RGSL1: variants seen among roughly 807,000 people sequenced by gnomAD.
The protein encoded by RGSL1 is regulator of G protein signaling like 1, also known as regulator of G protein signaling protein-like.
In RGSL1, 97 loss-of-function variants were observed where a neutral mutation model predicts 124.7. The observed-to-expected ratio is 0.78, with a 90% CI of 0.66 to 0.92. The LOEUF (loss-of-function observed/expected upper bound fraction) is 0.92, where lower values mean the gene tolerates loss of function less well. Ranked by LOEUF, RGSL1 falls within the 40% of genes least tolerant of loss-of-function variation. The pLI is 0.00. For missense variants in RGSL1, 1,233 were observed against 1,288.4 expected (o/e 0.96, Z 0.66); for synonymous variants, 424 against 438.1 (o/e 0.97, Z 0.40).
chr1:182,516,370 G>A (rs1657899167), intron 9 of RGSL1, among the ~76,000 whole-genome samples: 1 of 152,198 alleles, frequency 6.6e-6, no homozygotes, highest in South Asian at 2.1e-4. Flanking sequence ...TTTCTTGCAG[G>A]TAGCATATAG....
At chr1:182,524,917 C>T (rs1658630724) in intron 10 of RGSL1, among the ~76,000 whole-genome samples, 1 of 152,068 alleles carries the variant, frequency 6.6e-6, no homozygotes, top group African/African-American at 2.4e-5. Context: ...TGCAGATGCT[C>T]AAGAGAGACC....
intron 4 of RGSL1, among the ~76,000 whole-genome samples, chr1:182,467,568 C>T (rs1234206191): frequency 2.6e-5 from 4 of 152,122 alleles, no homozygotes; most frequent in East Asian, 3.8e-4. Flanking sequence ...TAGCCATATG[C>T]AGAAAGCTGA....
At chr1:182,469,990 T>C (rs542272987) in intron 4 of RGSL1, among the ~76,000 whole-genome samples, 2 of 152,150 alleles carry the variant, frequency 1.3e-5, no homozygotes, top group East Asian at 3.9e-4. Context: ...ATGGTGGTTG[T>C]CAGGAGCTGG....
chr1:182,516,286 A>G (rs484930), intron 9 of RGSL1, among the ~76,000 whole-genome samples: 131,107 of 152,214 alleles, frequency 0.86, 56,772 homozygotes, highest in Non-Finnish European at 0.89. Context: ...GCCCTTTGCC[A>G]GGGAACTGCC....
chr1:182,471,274 C>T, intron 4 of RGSL1: 1 of 457,438 alleles, frequency 2.2e-6, no homozygotes, highest in South Asian at 1.5e-5. Flanking sequence ...GTGGAATTTT[C>T]CTGGCAGCCA....
intron 6 of RGSL1, among the ~76,000 whole-genome samples, chr1:182,484,936 C>T (rs756978505): frequency 1.3e-5 from 2 of 152,140 alleles, no homozygotes; most frequent in Non-Finnish European, 2.9e-5. Flanking sequence ...TGGCTGCTTG[C>T]CCCTGGAGCA....
chr1:182,461,783 G>A (rs541295422), intron 4 of RGSL1, among the ~76,000 whole-genome samples: 1,558 of 62,432 alleles, frequency 0.025, 35 homozygotes, highest in African/African-American at 0.07. Context: ...CCAGAAGATA[G>A]GACAGTAGAA....
Position 182,474,120 on chromosome 1 carries a change from A to C in RGSL1, c.1009A>C (p.Lys337Gln), listed in dbSNP as rs1400699357. Residue 337 changes from lysine to glutamine, a missense_variant, in exon 6 of 22, where the codon AAG becomes CAG. By Grantham distance (53) the Lys-to-Gln change is moderately conservative (BLOSUM62 1). Coordinates refer to ENST00000294854, the MANE Select transcript of RGSL1 (RefSeq NM_001137669.2). ...CCACATGGAAGCCCCCTTTGAGACA[A>C]AGGTCTCTACCCACCTGAGGACTGT... is the stretch of plus-strand genomic sequence containing the variant. ...HLHMEAPFET[K>Q]VSTHLRTVIP... 1 of 1,551,802 alleles carries C rather than the reference A, an allele frequency of 6.4e-7. No individual in the cohort carries two copies. The highest frequency in any genetic ancestry group is 8.7e-7 in the Non-Finnish European group (1 of 1,147,032).
chr1:182,531,880 T>C (rs1025414073), intron 13 of RGSL1, among the ~76,000 whole-genome samples: 143 of 152,318 alleles, frequency 9.4e-4, no homozygotes, highest in African/African-American at 3.4e-3. Context: ...TGTTTCTATC[T>C]TACACATGGA....
At chr1:182,531,361 A>G (rs918492110) in intron 13 of RGSL1, among the ~76,000 whole-genome samples, 3 of 152,170 alleles carry the variant, frequency 2.0e-5, no homozygotes, top group African/African-American at 7.2e-5. Flanking sequence ...CTTTCAAACT[A>G]TCTAGCTCAT....
At chr1:182,489,249 T>A (rs1420152555) in intron 8 of RGSL1, 47 bp downstream of exon 8, 1 of 1,391,772 alleles carries the variant, frequency 7.2e-7, no homozygotes, top group Admixed American at 2.1e-5. Flanking sequence ...TATGGGCAAC[T>A]GGAAAATAAT....
chr1:182,448,157 T>A (rs1449262812), upstream of RGSL1: 1 of 152,578 alleles, frequency 6.6e-6, no homozygotes, highest in Non-Finnish European at 1.5e-5. Flanking sequence ...ATGTCAGATC[T>A]GAGATGTGAA....
chr1:182,454,834 T>C (rs1454649469), intron 2 of RGSL1, among the ~76,000 whole-genome samples: 1 of 152,188 alleles, frequency 6.6e-6, no homozygotes, highest in East Asian at 1.9e-4. Flanking sequence ...CCTGAATCTT[T>C]TTTGGTTTAA....
chr1:182,474,917 G>A (rs1654168046), intron 6 of RGSL1, among the ~76,000 whole-genome samples: 2 of 152,194 alleles, frequency 1.3e-5, no homozygotes, highest in South Asian at 4.1e-4. Flanking sequence ...ATTATCTGAG[G>A]TGGAACAGTT....
intron 4 of RGSL1, among the ~76,000 whole-genome samples, chr1:182,468,697 G>A (rs1004492467): frequency 1.8e-4 from 27 of 152,054 alleles, no homozygotes; most frequent in African/African-American, 6.3e-4. Context: ...CACCAGTATG[G>A]CACATGTATA....
intron 4 of RGSL1, among the ~76,000 whole-genome samples, chr1:182,467,691 C>T (rs1653458827): frequency 1.3e-5 from 2 of 152,192 alleles, no homozygotes; most frequent in South Asian, 4.1e-4. Context: ...CAATACCATT[C>T]AGAACATAGG....
intron 6 of RGSL1, among the ~76,000 whole-genome samples, chr1:182,482,071 A>G (rs537024113): frequency 6.6e-6 from 1 of 152,244 alleles, no homozygotes; most frequent in Non-Finnish European, 1.5e-5. Context: ...GGTTATAAGG[A>G]TGGCTTGACC....
intron 9 of RGSL1, among the ~76,000 whole-genome samples, chr1:182,507,555 G>C (rs1239506078): frequency 3.3e-5 from 5 of 152,092 alleles, no homozygotes; most frequent in Admixed American, 1.3e-4. Context: ...GCAAAAGACA[G>C]GATTTCATTC....
chr1:182,468,321 T>A (rs1452690943), intron 4 of RGSL1, among the ~76,000 whole-genome samples: 1 of 152,222 alleles, frequency 6.6e-6, no homozygotes, highest in African/African-American at 2.4e-5. Context: ...TGCACACGTA[T>A]GTTTATTTCA....
Sources: allele counts gnomAD v4.1 joint callset (sites outside exome capture counted in the v4.1 genomes callset), GRCh38; gene constraint gnomAD v4.1.1; transcripts MANE v1.5; gene names NCBI Gene and HGNC (gene_info 2026-07-23, HGNC 2026-07-21).